Variants in RGS12 observed in about 807,000 individuals in gnomAD.
RGS12 encodes regulator of G-protein signaling 12.
In RGS12, 66 loss-of-function variants were observed where a neutral mutation model predicts 120.1. The ratio of observed to expected loss-of-function variants is 0.55; its 90% CI spans 0.45 to 0.67. The LOEUF (loss-of-function observed/expected upper bound fraction) is 0.67. Among genes scored for constraint, RGS12 ranks in the 30% least tolerant of loss-of-function variants. RGS12 has a pLI of 0.00. For synonymous variants in RGS12, 827 were observed against 804.7 expected, an observed-to-expected ratio of 1.03 and a Z score of -0.47; for missense variants, 1,859 against 1,957.7, an observed-to-expected ratio of 0.95 and a Z score of 0.95.
At chr4:3,285,976 C>T in the RGS12 span, among the ~76,000 whole-genome samples, 1 of 152,244 alleles carries the variant, frequency 6.6e-6, no homozygotes, top group Non-Finnish European at 1.5e-5. Flanking sequence ...ACGGCTTCAC[C>T]ACTTCCTGCC....
rs148108096 is a variant in RGS12, at chr4:3,420,124, G to A, written c.2762-518G>A. The stretch of plus-strand genomic sequence containing the variant: ...TTGGTGAAAATTGACACTTCATTAC[G>A]GTTCATGTCAGGACGTCAGAGGAAA... On this transcript the variant is annotated intron_variant, in intron 9 of 17. Coordinates refer to ENST00000336727, the MANE Select transcript of RGS12 (RefSeq NM_001394154.1). Among the ~76,000 whole-genome samples, 1,467 of 152,332 alleles carry A rather than the reference G, an allele frequency of 9.6e-3. 19 individuals carry two copies. Among genetic ancestry groups the A allele is most frequent in the Middle Eastern group, 0.048 (14 of 294 alleles).
chr4:3,416,162 G>T, intron 7 of RGS12, 41 bp downstream of exon 7: 2 of 1,609,806 alleles, frequency 1.2e-6, no homozygotes, highest in South Asian at 2.2e-5. Flanking sequence ...GTCCAGGCTA[G>T]GGCTCGGGGT....
At chr4:3,424,006 C>T (rs573091654) in intron 13 of RGS12, 60 of 193,060 alleles carry the variant, frequency 3.1e-4, no homozygotes, top group African/African-American at 1.0e-3. Context: ...CTGCTGGGCC[C>T]GGGCATTGTG....
chr4:3,438,320 C>G (rs1169596161), intron 17 of RGS12, among the ~76,000 whole-genome samples: 1 of 152,066 alleles, frequency 6.6e-6, no homozygotes, highest in Non-Finnish European at 1.5e-5. Flanking sequence ...AGGAACCTGC[C>G]CCCGAAGCCT....
At chr4:3,319,253 G>A (rs1326682639) in intron 2 of RGS12, among the ~76,000 whole-genome samples, 1 of 152,172 alleles carries the variant, frequency 6.6e-6, no homozygotes, top group African/African-American at 2.4e-5. Context: ...TGCAGCCACT[G>A]CACTCTAGCC....
chr4:3,307,644 C>T (rs1318937266), intron 1 of RGS12, among the ~76,000 whole-genome samples: 2 of 152,226 alleles, frequency 1.3e-5, no homozygotes, highest in East Asian at 1.9e-4. Flanking sequence ...CGCGCACCTG[C>T]CCTGGGCCGT....
At chr4:3,325,389 T>G (rs1290837313) in intron 2 of RGS12, among the ~76,000 whole-genome samples, 2 of 152,320 alleles carry the variant, frequency 1.3e-5, no homozygotes, top group East Asian at 3.8e-4. Context: ...GTGACAGTAT[T>G]AAGAGGTGAG....
chr4:3,417,437 A>G lies in RGS12; in HGVS notation c.2657A>G (p.Asp886Gly). 6.2e-7 allele frequency: 1 copy of G among 1,606,888 alleles called. No individual in the cohort carries two copies. The highest frequency in any genetic ancestry group is 8.5e-7 in the Non-Finnish European group (1 of 1,175,182). The change falls in exon 9 of 18, where the codon GAT becomes GGT. Residue 886 changes from aspartate to glycine, a missense_variant. By Grantham distance (94) the Asp-to-Gly change is moderately conservative. This residue lies in a region of RGS12 where 375 missense variants were observed against 475.0 expected (regional missense o/e 0.79). Coordinates refer to ENST00000336727, the MANE Select transcript of RGS12 (RefSeq NM_001394154.1). Reference protein sequence around the residue: ...SGRSLNEELGDEDSEKKRKGA... With the variant: ...SGRSLNEELGGEDSEKKRKGA... ...CGATCCCTGAATGAAGAGCTGGGGGATGAGGACAGCGAGAAGAAGCGGAAA... is the reference window on the plus strand; with the variant it reads ...CGATCCCTGAATGAAGAGCTGGGGGGTGAGGACAGCGAGAAGAAGCGGAAA...
chr4:3,400,901 G>A (rs535738825), intron 4 of RGS12, among the ~76,000 whole-genome samples: 1 of 151,532 alleles, frequency 6.6e-6, no homozygotes, highest in South Asian at 2.1e-4. Context: ...GCCAGGAATA[G>A]GCAAGGATGT....
intron 2 of RGS12, among the ~76,000 whole-genome samples, chr4:3,334,250 G>A (rs1043644126): frequency 1.2e-4 from 19 of 152,084 alleles, no homozygotes; most frequent in Non-Finnish European, 2.4e-4. Flanking sequence ...TTCATGAATA[G>A]GTGTTAAATT....
In RGS12 at chr4:3,439,652, A is replaced by G; in HGVS notation, c.4312A>G (p.Lys1438Glu). The change falls in exon 18 of 18, where the codon AAG becomes GAG. Residue 1438 changes from lysine to glutamate, a missense_variant. Physicochemically the swap from Lys to Glu is moderately conservative, Grantham distance 56. This residue lies in a region of RGS12 where 517 missense variants were observed against 488.5 expected (regional missense o/e 1.06). Coordinates refer to ENST00000336727, the MANE Select transcript of RGS12 (RefSeq NM_001394154.1). Reference protein sequence around the residue: ...GPVPGEPAKPKTSAHHATFV With the variant: ...GPVPGEPAKPETSAHHATFV Reference sequence around the variant, plus strand: ...CGTCCCGGGTGAGCCTGCTAAGCCCAAGACCAGCGCTCACCACGCCACCTT... The same window carrying G: ...CGTCCCGGGTGAGCCTGCTAAGCCCGAGACCAGCGCTCACCACGCCACCTT... 1.3e-6 allele frequency: 2 copies of G among 1,572,394 alleles called. No homozygotes were observed. The highest frequency in any genetic ancestry group is 1.7e-6 in the Non-Finnish European group (2 of 1,159,526).
Position 3,363,507 on chromosome 4 carries a change from G to GGTGGGGAGAAGTGCAGCGGCAA in RGS12, c.1998+20456_1998+20477dup, listed in dbSNP as rs562357463. 2.5e-3 allele frequency among the ~76,000 whole-genome samples: 385 copies of GGTGGGGAGAAGTGCAGCGGCAA among 152,136 alleles called. 3 individuals are homozygous for GGTGGGGAGAAGTGCAGCGGCAA. The highest frequency in any genetic ancestry group is 8.9e-3 in the African/African-American group (370 of 41,504). On this transcript the variant is annotated intron_variant, in intron 3 of 17. Coordinates refer to ENST00000336727, the MANE Select transcript of RGS12 (RefSeq NM_001394154.1). ...GGGGCCTGAACTGCTGCTTGTTGGC[G>GGTGGGGAGAAGTGCAGCGGCAA]GTGGGGAGAAGTGCAGCGGCAAGAG...
intron 1 of RGS12, among the ~76,000 whole-genome samples, chr4:3,308,554 G>A (rs773779444): frequency 4.0e-4 from 61 of 152,208 alleles, no homozygotes; most frequent in Non-Finnish European, 4.7e-4. Context: ...CGTGCTCTGG[G>A]TGGCCTGTGC....
intron 3 of RGS12, among the ~76,000 whole-genome samples, chr4:3,382,134 T>G (rs960990343): frequency 6.6e-6 from 1 of 152,374 alleles, no homozygotes; most frequent in East Asian, 1.9e-4. Context: ...TAAGAGTGTA[T>G]TTTCACAGAT....
chr4:3,428,938 C>T (rs1053505685), intron 16 of RGS12, among the ~76,000 whole-genome samples: 14 of 152,176 alleles, frequency 9.2e-5, no homozygotes, highest in Non-Finnish European at 2.1e-4. Context: ...CAGGGGCAGC[C>T]GATGTGAGCA....
chr4:3,306,941 C>T (rs1724002892), intron 1 of RGS12, among the ~76,000 whole-genome samples: 2 of 152,168 alleles, frequency 1.3e-5, no homozygotes, highest in Admixed American at 6.5e-5. Context: ...TTGGAGGCTT[C>T]TTCCTAGCTC....
chr4:3,374,568 C>T lies in RGS12; in HGVS notation c.1999-11848C>T, dbSNP rs750886400. On this transcript the variant is annotated intron_variant, in intron 3 of 17. Coordinates refer to ENST00000336727, the MANE Select transcript of RGS12 (RefSeq NM_001394154.1). The surrounding 1 kb of genome is among the most constrained non-coding windows in gnomAD (Gnocchi z 6.3). ...CCAAACAAGACTTGGATTCTCCCCT[C>T]GCCTCCAGTGTACCCCTCCCTCAGT... 1.6e-4 allele frequency among the ~76,000 whole-genome samples: 24 copies of T among 152,038 alleles called. No individual in the cohort carries two copies. Among genetic ancestry groups the T allele is most frequent in the Non-Finnish European group, 2.4e-4 (16 of 68,018 alleles).
At chr4:3,344,819 G>A (rs1029450246) in intron 3 of RGS12, among the ~76,000 whole-genome samples, 3 of 152,134 alleles carry the variant, frequency 2.0e-5, no homozygotes, top group Non-Finnish European at 4.4e-5. Context: ...ATCTCTTACT[G>A]GGGCCAAGGA....
upstream of RGS12, among the ~76,000 whole-genome samples, chr4:3,292,855 G>C (rs1179575794): frequency 6.6e-6 from 1 of 151,692 alleles, no homozygotes; most frequent in Non-Finnish European, 1.5e-5. Flanking sequence ...CCGTTACCAC[G>C]CTGTCCCGAC....
Sources: allele counts gnomAD v4.1 joint callset (sites outside exome capture counted in the v4.1 genomes callset), GRCh38; gene constraint gnomAD v4.1.1; regional missense constraint gnomAD v4.1.1; non-coding constraint Gnocchi (gnomAD v3.1); transcripts MANE v1.5; gene names NCBI Gene and HGNC (gene_info 2026-07-23, HGNC 2026-07-21).